The following MIS18BP1 variants were observed in gnomAD, a reference collection of about 807,000 sequenced individuals.
MIS18BP1 encodes the protein mis18-binding protein 1.
A neutral mutation model predicts 116.1 loss-of-function variants in MIS18BP1; 72 were observed. That is an observed-to-expected ratio of 0.62 (90% confidence interval 0.51 to 0.75). The LOEUF is 0.75. MIS18BP1 is among the 30% of genes least tolerant of loss of function. MIS18BP1 has a pLI of 0.00. For synonymous variants in MIS18BP1, 386 were observed against 427.0 expected, an observed-to-expected ratio of 0.90 and a Z score of 1.18; for missense variants, 1,363 against 1,303.2, an observed-to-expected ratio of 1.05 and a Z score of -0.71.
At chr14:45,220,820 A>G (rs988230770) in intron 11 of MIS18BP1, among the ~76,000 whole-genome samples, 1 of 152,114 alleles carries the variant, frequency 6.6e-6, no homozygotes, top group African/African-American at 2.4e-5. Flanking sequence ...GCAAATTTTG[A>G]TATATTTTCA....
At chr14:45,234,403 G>C (rs749720339) in intron 6 of MIS18BP1, among the ~76,000 whole-genome samples, 3 of 151,994 alleles carry the variant, frequency 2.0e-5, no homozygotes, top group Non-Finnish European at 4.4e-5. Flanking sequence ...TTGAGTAAAA[G>C]AGAAAATGAG....
Position 45,249,034 on chromosome 14 carries a change from T to G in MIS18BP1, c.-91-1657A>C, listed in dbSNP as rs371939043. Among the ~76,000 whole-genome samples the G allele has an allele frequency of 2.6e-4, 39 of 151,424 alleles. 1 individual carries two copies. Among genetic ancestry groups the G allele is most frequent in the East Asian group, 1.8e-3 (9 of 5,108 alleles). On this transcript the variant is annotated intron_variant, in intron 1 of 16. Transcript: ENST00000310806. ...AATCCTCCTACCTCAGCCTCCAGAG[T>G]AGCTGGGACCACAAGTGTGTGCCAC... is the stretch of plus-strand genomic sequence containing the variant.
At chr14:45,220,207 CCT>C (rs1293199168) in intron 11 of MIS18BP1, among the ~76,000 whole-genome samples, 8 of 152,214 alleles carry the variant, frequency 5.3e-5, no homozygotes, top group African/African-American at 1.7e-4. Flanking sequence ...AGGCGATCCC[CCT>C]GACTCCGCCT....
Position 45,218,296 on chromosome 14 carries a change from G to A in MIS18BP1, c.2828C>T (p.Ser943Phe), listed in dbSNP as rs923364676. The change falls in exon 12 of 17, where the codon TCC becomes TTC. Residue 943 changes from serine (S) to phenylalanine (F), a missense_variant. Transcript: ENST00000310806. ...KHVTKKKPAN[S>F]KGQNGKRGDA... ...ACGAAGGTTACCATTTTGGCCTTTGGAATTGGCTGGCTTCTTCTTAGTGAC... is the reference window on the plus strand; with the variant it reads ...ACGAAGGTTACCATTTTGGCCTTTGAAATTGGCTGGCTTCTTCTTAGTGAC... 3.1e-6 allele frequency: 5 copies of A among 1,613,664 alleles called. No homozygotes were observed. The highest frequency in any genetic ancestry group is 4.2e-6 in the Non-Finnish European group (5 of 1,179,950).
chr14:45,236,411 A>T lies in MIS18BP1; in HGVS notation c.1218-467T>A, dbSNP rs551377718. On this transcript the variant is annotated intron_variant, in intron 5 of 16. Coordinates refer to ENST00000310806, the MANE Select transcript of MIS18BP1 (RefSeq NM_018353.5). ...CTTTCATTTTGGAAGGTACCAAATG[A>T]GGTTTAAGTGGGGAAAAAAGAAATT... is the stretch of plus-strand genomic sequence containing the variant. Among the ~76,000 whole-genome samples, 4 of 152,306 alleles carry T rather than the reference A, an allele frequency of 2.6e-5. No individual in the cohort carries two copies. In the South Asian group the frequency reaches 8.3e-4, roughly 32 times the overall value.
At position 45,243,023 on chromosome 14, in the gene MIS18BP1, TA is replaced by T. The variant is rs1271624122; in HGVS notation, c.545-150del. On this transcript the variant is annotated intron_variant, in intron 2 of 16. Transcript: ENST00000310806. ...TTTTGCAATATATGACAGTTACATA[TA>T]TTTTTATATTTTTGGCTGTATTATC... The T allele has an allele frequency of 4.6e-5, 24 of 518,562 alleles. No homozygotes were observed. The Middle Eastern group carries it at 1.5e-3, about 33-fold the overall frequency. 32.1% of individuals were successfully genotyped at this position (518,562 alleles called of 1,614,324 possible). A position where few individuals can be genotyped will look rare whatever the true frequency, so the allele number is the denominator to read the frequency against.
chr14:45,223,807 TC>T, intron 11 of MIS18BP1, 110 bp downstream of exon 11: 1 of 771,536 alleles, frequency 1.3e-6, no homozygotes, highest in South Asian at 2.1e-5. Flanking sequence ...TTATAATTTC[TC>T]CCTTTTTTTT....
chr14:45,204,429 T>C lies in MIS18BP1; in HGVS notation c.3265A>G (p.Thr1089Ala), dbSNP rs750503668. 7 of 1,605,758 alleles carry C rather than the reference T, an allele frequency of 4.4e-6. No individual in the cohort carries two copies. Among genetic ancestry groups the C allele is most frequent in the Non-Finnish European group, 4.2e-6 (5 of 1,177,282 alleles). Reference sequence around the variant, plus strand: ...TTAAATGGGGTTTTCCTTCTTGGTGTTGGAGTTGAGAAATCAGTTTCAACC... The same window carrying C: ...TTAAATGGGGTTTTCCTTCTTGGTGCTGGAGTTGAGAAATCAGTTTCAACC... ...KLVETDFSTP[T>A]PRRKTPFNTD... The change falls in exon 16 of 17, where the codon ACA becomes GCA. Residue 1089 changes from threonine to alanine, a missense_variant. Coordinates refer to ENST00000310806, the MANE Select transcript of MIS18BP1 (RefSeq NM_018353.5).
chr14:45,218,532 T>G (rs1031930207), intron 11 of MIS18BP1, 78 bp from the exon 12 acceptor site: 2 of 1,288,650 alleles, frequency 1.6e-6, no homozygotes, highest in African/African-American at 3.0e-5. Flanking sequence ...TAACACTGAA[T>G]TGATGAGATT....
At chr14:45,230,572 T>C (rs139743040) in intron 8 of MIS18BP1, among the ~76,000 whole-genome samples, 82 of 152,300 alleles carry the variant, frequency 5.4e-4, no homozygotes, top group African/African-American at 1.6e-3. Flanking sequence ...CTTTCATTAA[T>C]TTGTTTACCA....
rs114960069 is a variant in MIS18BP1 at position 45,231,822 on chromosome 14, C to T, written c.1437-524G>A. Among the ~76,000 whole-genome samples the T allele has an allele frequency of 6.0e-3, 919 of 152,104 alleles. 10 individuals carry two copies. The highest frequency in any genetic ancestry group is 0.021 in the African/African-American group (873 of 41,444). On this transcript the variant is annotated intron_variant, in intron 7 of 16. Transcript: ENST00000310806. ...TGTGATTAAGTTTAAAGTCCGTATC[C>T]CCTATGAGCTCCACAAGGGCAAGAA...
chr14:45,205,932 T>C (rs372891288), intron 15 of MIS18BP1, 151 bp downstream of exon 15: 57 of 533,400 alleles, frequency 1.1e-4, no homozygotes, highest in African/African-American at 9.6e-4. Flanking sequence ...ACAGTACTTA[T>C]GTGCTTACCT....
At chr14:45,245,102 T>A (rs1327702295) in intron 2 of MIS18BP1, among the ~76,000 whole-genome samples, 1 of 152,218 alleles carries the variant, frequency 6.6e-6, no homozygotes, top group East Asian at 1.9e-4. Context: ...CCAATTCCTC[T>A]TGTCACATTA....
chr14:45,237,830 C>A, intron 4 of MIS18BP1, 109 bp from the exon 5 acceptor site: 1 of 1,382,032 alleles, frequency 7.2e-7, no homozygotes, highest in East Asian at 2.7e-5. Flanking sequence ...TCCAAATATT[C>A]CTTAGTGTCA....
chr14:45,218,629 C>G (rs1270605018), intron 11 of MIS18BP1, among the ~76,000 whole-genome samples, 175 bp from the exon 12 acceptor site: 2 of 151,268 alleles, frequency 1.3e-5, no homozygotes, highest in Non-Finnish European at 2.9e-5. Flanking sequence ...TAACTTAACT[C>G]TAGTGCTTAA....
At chr14:45,229,146 G>A (rs955310366) in intron 8 of MIS18BP1, among the ~76,000 whole-genome samples, 1 of 151,520 alleles carries the variant, frequency 6.6e-6, no homozygotes, top group African/African-American at 2.4e-5. Context: ...GGGGGTGGGG[G>A]GAATCATGCC....
At chr14:45,230,404 G>A (rs1891242313) in intron 8 of MIS18BP1, among the ~76,000 whole-genome samples, 1 of 152,002 alleles carries the variant, frequency 6.6e-6, no homozygotes, top group Non-Finnish European at 1.5e-5. Context: ...TTCAAGAAAA[G>A]CATTTTCTTG....
intron 15 of MIS18BP1, among the ~76,000 whole-genome samples, chr14:45,205,315 T>C (rs1482004223): frequency 2.0e-5 from 3 of 152,124 alleles, no homozygotes; most frequent in Non-Finnish European, 4.4e-5. Flanking sequence ...AAAATGGTAT[T>C]AGAAAGCTCA....
At chr14:45,232,396 G>T (rs1215266709) in intron 7 of MIS18BP1, 4 of 214,788 alleles carry the variant, frequency 1.9e-5, no homozygotes, top group Non-Finnish European at 3.3e-5. Context: ...CAGCCTGGGC[G>T]ACAGAGCCAG....
Sources: allele counts gnomAD v4.1 joint callset (sites outside exome capture counted in the v4.1 genomes callset), GRCh38; gene constraint gnomAD v4.1.1; transcripts MANE v1.5; gene names NCBI Gene and HGNC (gene_info 2026-07-23, HGNC 2026-07-21).